The following LIPG variants were observed in gnomAD, a reference collection of about 807,000 sequenced individuals.
LIPG encodes lipase G, endothelial type, also known as endothelial lipase.
In LIPG, 34 loss-of-function variants were observed where a neutral mutation model predicts 51.8. The ratio of observed to expected loss-of-function variants is 0.66; its 90% CI spans 0.50 to 0.87. The LOEUF is 0.87. Ranked by LOEUF, LIPG falls within the 40% of genes least tolerant of loss-of-function variation. The probability of loss-of-function intolerance (pLI) is 0.00; values close to 1 mark genes in which losing one functional copy is unlikely to be tolerated. For synonymous variants in LIPG, 246 were observed against 246.1 expected, an observed-to-expected ratio of 1.00 and a Z score of 0.00; for missense variants, 580 against 652.7, an observed-to-expected ratio of 0.89 and a Z score of 1.21.
chr18:49,577,927 A>C (rs2084743807), intron 5 of LIPG, among the ~76,000 whole-genome samples: 1 of 96,748 alleles, frequency 1.0e-5, no homozygotes, highest in African/African-American at 4.7e-5. Flanking sequence ...GGGCGGGCAG[A>C]GGCGCCCCTC....
intron 5 of LIPG, among the ~76,000 whole-genome samples, chr18:49,578,112 C>CG (rs1284047218): frequency 3.3e-5 from 2 of 60,300 alleles, no homozygotes; most frequent in South Asian, 1.3e-3. Flanking sequence ...GCTGGCCGGG[C>CG]GGGGGGCTGA....
At chr18:49,571,211 G>C (rs1314185212) in intron 4 of LIPG, among the ~76,000 whole-genome samples, 1 of 152,222 alleles carries the variant, frequency 6.6e-6, no homozygotes, top group South Asian at 2.1e-4. Flanking sequence ...TCCATTGTCT[G>C]AGCGCCTCTT....
rs756495519 is a variant in LIPG at position 49,575,457 on chromosome 18, C to G, written c.660C>G (p.His220Gln). 6.2e-7 allele frequency: 1 copy of G among 1,614,104 alleles called. No homozygotes were observed. The highest frequency in any genetic ancestry group is 8.5e-7 in the Non-Finnish European group (1 of 1,180,060). Residue 220 changes from histidine to glutamine, a missense_variant, in exon 5 of 10, where the codon CAC (histidine) becomes CAG (glutamine). Coordinates refer to ENST00000261292, the MANE Select transcript of LIPG (RefSeq NM_006033.4). ...PDDADFVDVL[H>Q]TYTRSFGLSI... ...ATGCAGATTTTGTGGATGTCCTCCA[C>G]ACCTACACGCGTTCCTTCGGCTTGA...
rs1260237461 is a variant in LIPG at position 49,567,488 on chromosome 18, T to G, written c.326T>G (p.Leu109Arg). The change falls in exon 3 of 10, where the codon CTG (leucine) becomes CGG (arginine). Residue 109 changes from leucine to arginine, a missense_variant. Leu to Arg is a moderately radical substitution (Grantham distance 102). Coordinates refer to ENST00000261292, the MANE Select transcript of LIPG (RefSeq NM_006033.4). ...TGGCTGCACAAACTCGTGTCAGCCCTGCACACAAGAGAGAAAGACGCCAAT... is the reference window on the plus strand; with the variant it reads ...TGGCTGCACAAACTCGTGTCAGCCCGGCACACAAGAGAGAAAGACGCCAAT... ...ENWLHKLVSA[L>R]HTREKDANVV... 6.2e-7 allele frequency: 1 copy of G among 1,614,120 alleles called. No homozygotes were observed. The highest frequency in any genetic ancestry group is 2.2e-5 in the East Asian group (1 of 44,898).
rs1429287611 is a variant in LIPG at position 49,595,291 on chromosome 18, G to T, written c.*4769G>T. 6.6e-6 allele frequency: 1 copy of T among 152,228 alleles called. No individual in the cohort carries two copies. The highest frequency in any genetic ancestry group is 2.4e-5 in the African/African-American group (1 of 41,506). The allele number at this position is 152,228 out of a possible 1,614,324, so 9.4% of individuals were successfully genotyped here. A position where few individuals can be genotyped will look rare whatever the true frequency, so the allele number is the denominator to read the frequency against. On this transcript the variant is annotated 3_prime_UTR_variant, in exon 10 of 10. Transcript: ENST00000261292. ...GATGAAATTAGATATAAGAAACTAG[G>T]TGCTTAAACAGGCAGGAGGTAATCT...
intron 5 of LIPG, among the ~76,000 whole-genome samples, chr18:49,579,896 C>T (rs112642193): frequency 0.019 from 2,828 of 151,242 alleles, 90 homozygotes; most frequent in African/African-American, 0.06. Context: ...TCACCGCAAC[C>T]TCCACTTCCA....
At chr18:49,582,532 T>C in intron 7 of LIPG, 50 bp downstream of exon 7, 4 of 1,611,214 alleles carry the variant, frequency 2.5e-6, no homozygotes. Context: ...ACAGGTTGGT[T>C]TGAGAATGAG....
In LIPG at chr18:49,590,543, C is replaced by A. The variant is rs1600572971; in HGVS notation, c.*21C>A. ...CCTGAGGGTGCCCGGGCAAGTCTTG[C>A]CAGCAAGGCAGCAAGACTTCCTGCT... is the stretch of plus-strand genomic sequence containing the variant. On this transcript the variant is annotated 3_prime_UTR_variant, in exon 10 of 10. Coordinates refer to ENST00000261292, the MANE Select transcript of LIPG (RefSeq NM_006033.4). 2 of 1,592,486 alleles carry A rather than the reference C, an allele frequency of 1.3e-6. No individual in the cohort carries two copies. The highest frequency in any genetic ancestry group is 1.7e-6 in the Non-Finnish European group (2 of 1,167,388).
At position 49,580,245 on chromosome 18, in the gene LIPG, TGTCTCTATGA is replaced by T. The variant is rs1305364503; in HGVS notation, c.794-1169_794-1160del. Among the ~76,000 whole-genome samples, 18 of 152,352 alleles carry T rather than the reference TGTCTCTATGA, an allele frequency of 1.2e-4. No individual in the cohort carries two copies. In the East Asian group the frequency reaches 3.1e-3, roughly 26 times the overall value. Reference sequence around the variant, plus strand: ...TTGTATGCCTAACTTTGTAACCAACTGTCTCTATGACCCTGAGCAGATTACCTCACCCCTA... The same window carrying T: ...TTGTATGCCTAACTTTGTAACCAACTCCCTGAGCAGATTACCTCACCCCTA... On this transcript the variant is annotated intron_variant, in intron 5 of 9. Transcript: ENST00000261292.
intron 1 of LIPG, among the ~76,000 whole-genome samples, chr18:49,564,044 G>A (rs796320249): frequency 6.6e-6 from 1 of 152,196 alleles, no homozygotes; most frequent in African/African-American, 2.4e-5. Context: ...CTTTCATGAC[G>A]GTTAACCTGA....
intron 3 of LIPG, among the ~76,000 whole-genome samples, chr18:49,568,164 A>C (rs1178637094): frequency 1.3e-5 from 2 of 151,360 alleles, no homozygotes; most frequent in East Asian, 3.9e-4. Context: ...CGAGTAACTG[A>C]AACTACAGGC....
intron 1 of LIPG, among the ~76,000 whole-genome samples, chr18:49,563,106 G>A (rs2084568927): frequency 6.6e-6 from 1 of 152,184 alleles, no homozygotes; most frequent in African/African-American, 2.4e-5. Context: ...TCAGCTCTGG[G>A]GGAGTCAGAA....
rs751668636 is a variant in LIPG at position 49,575,528 on chromosome 18, A to T, written c.731A>T (p.Asn244Ile). Residue 244 changes from asparagine to isoleucine, a missense_variant, in exon 5 of 10, where the codon AAT (asparagine) becomes ATT (isoleucine). Coordinates refer to ENST00000261292, the MANE Select transcript of LIPG (RefSeq NM_006033.4). ...MPVGHIDIYPNGGDFQPGCGL... is the reference protein window; with the variant it reads ...MPVGHIDIYPIGGDFQPGCGL... ...GTGGGCCACATTGACATCTACCCCAATGGGGGTGACTTCCAGCCAGGCTGT... is the reference window on the plus strand; with the variant it reads ...GTGGGCCACATTGACATCTACCCCATTGGGGGTGACTTCCAGCCAGGCTGT... 1 of 1,614,072 alleles carries T rather than the reference A, an allele frequency of 6.2e-7. No homozygotes were observed. The highest frequency in any genetic ancestry group is 8.5e-7 in the Non-Finnish European group (1 of 1,180,040).
Position 49,595,869 on chromosome 18 carries a change from C to G in LIPG, c.*5347C>G, listed in dbSNP as rs2084979809. 1.3e-5 allele frequency: 2 copies of G among 151,980 alleles called. No homozygotes were observed. Among genetic ancestry groups the G allele is most frequent in the Admixed American group, 1.3e-4 (2 of 15,242 alleles). The allele number at this position is 151,980 out of a possible 1,614,324, so 9.4% of individuals were successfully genotyped here. A position where few individuals can be genotyped will look rare whatever the true frequency, so the allele number is the denominator to read the frequency against. ...GAATAGAATAAAATAAAATCCTTTC[C>G]ACATATATGCGGAAATTTTATGTAT... On this transcript the variant is annotated 3_prime_UTR_variant, in exon 10 of 10. Transcript: ENST00000261292.
At chr18:49,575,723 GTATT>G in intron 5 of LIPG, 133 bp downstream of exon 5, 1 of 770,004 alleles carries the variant, frequency 1.3e-6, no homozygotes. Flanking sequence ...CTCCAATGCT[GTATT>G]TAATATTTCT....
chr18:49,581,392 CTT>C, intron 5 of LIPG, 21 bp from the exon 6 acceptor site: 1 of 1,614,140 alleles, frequency 6.2e-7, no homozygotes, highest in Non-Finnish European at 8.5e-7. Context: ...ATCCTGCATG[CTT>C]TTTATCTCTC....
rs1329635198 is a variant in LIPG, at chr18:49,577,689, C to CG, written c.793+2105dup. ...CTCCCGGACGGCACGGCTGGCCAGG[C>CG]GGGGGGCTGACCCCCCAACCTCCCT... On this transcript the variant is annotated intron_variant, in intron 5 of 9. Coordinates refer to ENST00000261292, the MANE Select transcript of LIPG (RefSeq NM_006033.4). 2.8e-4 allele frequency among the ~76,000 whole-genome samples: 25 copies of CG among 89,022 alleles called. No individual in the cohort carries two copies. The South Asian group carries it at 3.1e-3, about 11-fold the overall frequency. The allele number at this position is 89,022 out of a possible 152,430, so 58.4% of individuals were successfully genotyped here.
rs1242923607 is a variant in LIPG, at chr18:49,597,019, G to T, written c.*6497G>T. ...AGAGTTGTCTGCATTGTTTAAAGAA[G>T]ACGTTTGTTAATCCAAATTAATCTT... On this transcript the variant is annotated 3_prime_UTR_variant, in exon 10 of 10. Transcript: ENST00000261292. 1 of 152,196 alleles carries T rather than the reference G, an allele frequency of 6.6e-6. No homozygotes were observed. Among genetic ancestry groups the T allele is most frequent in the Non-Finnish European group, 1.5e-5 (1 of 68,050 alleles). The allele number at this position is 152,196 out of a possible 1,614,324, so 9.4% of individuals were successfully genotyped here.
chr18:49,562,348 T>A lies in LIPG; in HGVS notation c.40T>A (p.Cys14Ser). 1 of 1,613,862 alleles carries A rather than the reference T, an allele frequency of 6.2e-7. No homozygotes were observed. Among genetic ancestry groups the A allele is most frequent in the Non-Finnish European group, 8.5e-7 (1 of 1,180,034 alleles). ...TCCTCTGCTCTGTTTCTGGAGCCTC[T>A]GCTATTGCTTTGCTGCGGGGAGCCC... ...SVPLLCFWSL[C>S]YCFAAGSPVP... The change falls in exon 1 of 10, where the codon TGC (cysteine) becomes AGC (serine). Residue 14 changes from cysteine (C) to serine (S), a missense_variant. Physicochemically the swap from Cys to Ser is moderately radical, Grantham distance 112. Transcript: ENST00000261292.
Sources: allele counts gnomAD v4.1 joint callset (sites outside exome capture counted in the v4.1 genomes callset), GRCh38; gene constraint gnomAD v4.1.1; transcripts MANE v1.5; gene names NCBI Gene and HGNC (gene_info 2026-07-23, HGNC 2026-07-21).